Variants in KIAA0586 observed in about 807,000 individuals in gnomAD.
KIAA0586 encodes the protein KIAA0586.
KIAA0586 carries 144 observed loss-of-function variants against 169.8 expected under a neutral mutation model. The ratio of observed to expected loss-of-function variants is 0.85; its 90% confidence interval spans 0.74 to 0.97. The LOEUF is 0.97. Ranked by LOEUF, KIAA0586 falls within the 50% of genes least tolerant of loss-of-function variation. KIAA0586 has a pLI of 0.00. For missense variants in KIAA0586, 1,854 were observed against 1,823.0 expected (o/e 1.02, Z -0.31); for synonymous variants, 625 against 612.4 (o/e 1.02, Z -0.30).
At chr14:58,454,365 AT>A (rs1321078617) in intron 9 of KIAA0586, among the ~76,000 whole-genome samples, 1 of 152,198 alleles carries the variant, frequency 6.6e-6, no homozygotes, top group Non-Finnish European at 1.5e-5. Context: ...ATCTTTATAC[AT>A]TATAAGCTCA....
chr14:58,524,112 T>C (rs533699566), intron 29 of KIAA0586, among the ~76,000 whole-genome samples: 77 of 152,270 alleles, frequency 5.1e-4, no homozygotes, highest in Middle Eastern at 6.8e-3. Flanking sequence ...CAGAATACAT[T>C]ACCCTCAAAT....
intron 4 of KIAA0586, chr14:58,433,089 T>C (rs1222270285): frequency 6.6e-6 from 1 of 152,166 alleles, no homozygotes; most frequent in East Asian, 1.9e-4. Flanking sequence ...CTTAAGTTTG[T>C]TTTTGTTTTT....
chr14:58,554,488 C>G (rs1288577385), downstream of KIAA0586, among the ~76,000 whole-genome samples: 2 of 152,160 alleles, frequency 1.3e-5, no homozygotes, highest in Non-Finnish European at 2.9e-5. Context: ...TTAGCTAAAT[C>G]TGCATGTGAC....
intron 27 of KIAA0586, among the ~76,000 whole-genome samples, chr14:58,507,245 A>G (rs1301855566): frequency 3.9e-4 from 2 of 5,144 alleles, no homozygotes; most frequent in Non-Finnish European, 0.011. Context: ...TATGATTTAT[A>G]TATAAATCAT....
Position 58,475,531 on chromosome 14 carries a change from A to C in KIAA0586, c.2825+734A>C, listed in dbSNP as rs1220369556. Among the ~76,000 whole-genome samples, 12 of 152,184 alleles carry C rather than the reference A, an allele frequency of 7.9e-5. 1 individual carries two copies. The highest frequency in any genetic ancestry group is 7.9e-4 in the Admixed American group (12 of 15,282). ...ACTGTTCTAGGTTTGTTACATACTG[A>C]TAACAACAAGCTGTAATATGTTATT... On this transcript the variant is annotated intron_variant, in intron 19 of 30. Transcript: ENST00000652326.
intron 22 of KIAA0586, among the ~76,000 whole-genome samples, chr14:58,487,473 G>T (rs2042538061): frequency 6.6e-6 from 1 of 152,002 alleles, no homozygotes. Context: ...AGGTGTGTTG[G>T]CACGTGCCTG....
chr14:58,485,143 C>T (rs534426406), intron 21 of KIAA0586, among the ~76,000 whole-genome samples: 13 of 149,832 alleles, frequency 8.7e-5, no homozygotes, highest in Admixed American at 4.7e-4. Flanking sequence ...AGGCTGGTCT[C>T]GAACTCCTGA....
At chr14:58,507,887 C>T (rs1000302908) in intron 27 of KIAA0586, among the ~76,000 whole-genome samples, 27 of 152,148 alleles carry the variant, frequency 1.8e-4, no homozygotes, top group African/African-American at 6.3e-4. Context: ...TGGGTTCAAG[C>T]GATTCTCCTG....
intron 28 of KIAA0586, among the ~76,000 whole-genome samples, chr14:58,512,223 T>C (rs2044439092): frequency 6.6e-6 from 1 of 152,184 alleles, no homozygotes; most frequent in Non-Finnish European, 1.5e-5. Flanking sequence ...TAAAGTAGTT[T>C]GATTCATAAG....
chr14:58,486,324 G>T (rs2042436455), intron 21 of KIAA0586, among the ~76,000 whole-genome samples: 1 of 151,998 alleles, frequency 6.6e-6, no homozygotes, highest in Non-Finnish European at 1.5e-5. Context: ...TGGTTTATGT[G>T]TACCACATTT....
chr14:58,542,346 A>G (rs548131754), intron 30 of KIAA0586, among the ~76,000 whole-genome samples: 8 of 152,166 alleles, frequency 5.3e-5, no homozygotes, highest in Admixed American at 3.3e-4. Flanking sequence ...GTGCGGTGGC[A>G]CACGCCAGTA....
At chr14:58,470,131 A>G (rs2041094718) in intron 16 of KIAA0586, among the ~76,000 whole-genome samples, 1 of 151,814 alleles carries the variant, frequency 6.6e-6, no homozygotes, top group Non-Finnish European at 1.5e-5. Context: ...GTAGTGATAT[A>G]TATATAATAG....
chr14:58,450,029 G>A (rs1315638919), intron 7 of KIAA0586, among the ~76,000 whole-genome samples: 2 of 151,998 alleles, frequency 1.3e-5, no homozygotes, highest in Non-Finnish European at 1.5e-5. Flanking sequence ...TTATATAGTT[G>A]TCTTCATAAT....
chr14:58,449,864 C>T (rs2039211284), intron 7 of KIAA0586, among the ~76,000 whole-genome samples: 1 of 152,018 alleles, frequency 6.6e-6, no homozygotes, highest in Admixed American at 6.6e-5. Flanking sequence ...ATATAAATTA[C>T]AGTAACAAAT....
chr14:58,431,364 G>T (rs1014807881), intron 3 of KIAA0586, among the ~76,000 whole-genome samples: 1 of 152,132 alleles, frequency 6.6e-6, no homozygotes, highest in Non-Finnish European at 1.5e-5. Flanking sequence ...CCGGGTTCAA[G>T]CAATTGTCCT....
At chr14:58,545,362 C>G (rs1216774625) in intron 30 of KIAA0586, among the ~76,000 whole-genome samples, 1 of 152,134 alleles carries the variant, frequency 6.6e-6, no homozygotes, top group East Asian at 1.9e-4. Flanking sequence ...AGTTATAGCT[C>G]TTATTACAAC....
rs368120494 is a variant in KIAA0586, at chr14:58,503,153, T to C, written c.4168+4193T>C. Reference sequence around the variant, plus strand: ...TGGGATATACTACCAACTACAGCTTTTTATTTACTCAAAAAACCTGTATTG... The same window carrying C: ...TGGGATATACTACCAACTACAGCTTCTTATTTACTCAAAAAACCTGTATTG... On this transcript the variant is annotated intron_variant, in intron 27 of 30. Transcript: ENST00000652326. Among the ~76,000 whole-genome samples, 4 of 152,318 alleles carry C rather than the reference T, an allele frequency of 2.6e-5. 1 individual carries two copies.
intron 9 of KIAA0586, 40 bp downstream of exon 9, chr14:58,453,513 A>T (rs1397771507): frequency 2.2e-6 from 3 of 1,372,210 alleles, no homozygotes; most frequent in Non-Finnish European, 2.9e-6. Context: ...GATTGAAAAG[A>T]GTTTTGTTAA....
chr14:58,445,971 C>T (rs923482046), intron 6 of KIAA0586, among the ~76,000 whole-genome samples: 5 of 151,400 alleles, frequency 3.3e-5, no homozygotes, highest in East Asian at 2.0e-4. Context: ...CATGTTCAAG[C>T]GATTCTCCTG....
Sources: allele counts gnomAD v4.1 joint callset (sites outside exome capture counted in the v4.1 genomes callset), GRCh38; gene constraint gnomAD v4.1.1; transcripts MANE v1.5; gene names NCBI Gene and HGNC (gene_info 2026-07-23, HGNC 2026-07-21).